CTNNA2: variants seen among roughly 807,000 people sequenced by gnomAD.
CTNNA2 encodes catenin alpha 2.
In CTNNA2, 42 loss-of-function variants were observed where a neutral mutation model predicts 101.0. The ratio of observed to expected loss-of-function variants is 0.42; its 90% CI spans 0.32 to 0.54. The LOEUF (loss-of-function observed/expected upper bound fraction) is 0.54, where lower values mean the gene tolerates loss of function less well. Ranked by LOEUF, CTNNA2 falls within the 20% of genes least tolerant of loss-of-function variation. The pLI is 0.14. For synonymous variants in CTNNA2, 450 were observed against 456.4 expected (o/e 0.99, Z 0.18); for missense variants, 871 against 1,223.1 (o/e 0.71, Z 4.29).
intron 9 of CTNNA2, among the ~76,000 whole-genome samples, chr2:80,472,719 G>A (rs964464772): frequency 3.3e-5 from 5 of 152,094 alleles, no homozygotes; most frequent in Admixed American, 2.0e-4. Flanking sequence ...TTGATCTAGG[G>A]TGGGGAGAGA....
At chr2:80,193,089 C>G (rs1706621651) in intron 7 of CTNNA2, among the ~76,000 whole-genome samples, 1 of 152,110 alleles carries the variant, frequency 6.6e-6, no homozygotes, top group African/African-American at 2.4e-5. Context: ...TGTTTATATG[C>G]TTTCATATTC....
At chr2:80,428,858 A>G (rs1421666052) in intron 9 of CTNNA2, among the ~76,000 whole-genome samples, 2 of 152,106 alleles carry the variant, frequency 1.3e-5, no homozygotes, top group Non-Finnish European at 2.9e-5. Context: ...ACAAAAAACT[A>G]CATTGATGGA....
At chr2:80,172,112 A>G (rs1304851856) in intron 7 of CTNNA2, among the ~76,000 whole-genome samples, 4 of 152,164 alleles carry the variant, frequency 2.6e-5, no homozygotes, top group Non-Finnish European at 4.4e-5. Flanking sequence ...TTCCATGTTT[A>G]TGGCTACTCG....
intron 7 of CTNNA2, among the ~76,000 whole-genome samples, chr2:80,255,278 G>A (rs930260794): frequency 1.3e-5 from 2 of 152,118 alleles, no homozygotes; most frequent in Non-Finnish European, 1.5e-5. Context: ...AGGGGGTTAA[G>A]AACAGAACGT....
intron 9 of CTNNA2, among the ~76,000 whole-genome samples, chr2:80,444,179 G>T (rs549444357): frequency 6.6e-6 from 1 of 152,126 alleles, no homozygotes; most frequent in South Asian, 2.1e-4. Context: ...TGGATTCCAC[G>T]TCATCCAATC....
Position 80,320,201 on chromosome 2 carries a change from A to G in CTNNA2, c.1057-73010A>G, listed in dbSNP as rs77710107. Among the ~76,000 whole-genome samples, 316 of 152,366 alleles carry G rather than the reference A, an allele frequency of 2.1e-3. 2 individuals are homozygous for G. Among genetic ancestry groups the G allele is most frequent in the African/African-American group, 7.3e-3 (302 of 41,590 alleles). On this transcript the variant is annotated intron_variant, in intron 7 of 18. Coordinates refer to ENST00000402739, the MANE Select transcript of CTNNA2 (RefSeq NM_001282597.3). ...TAAGAAAATAAACATAAAGTGATAC[A>G]TACACAGTTGGTTTCACAGGTACAT...
At chr2:80,518,541 G>A (rs1689278742) in intron 9 of CTNNA2, among the ~76,000 whole-genome samples, 1 of 152,120 alleles carries the variant, frequency 6.6e-6, no homozygotes, top group South Asian at 2.1e-4. Context: ...CCTGGAATTT[G>A]GTTGGCTCTG....
At chr2:80,105,521 C>T (rs909315905) in intron 7 of CTNNA2, among the ~76,000 whole-genome samples, 7 of 152,010 alleles carry the variant, frequency 4.6e-5, no homozygotes, top group Admixed American at 1.3e-4. Context: ...ACCAGGAGTT[C>T]GAGACCAGCC....
intron 4 of CTNNA2, among the ~76,000 whole-genome samples, chr2:79,467,558 T>G (rs574306554): frequency 9.2e-5 from 14 of 152,096 alleles, no homozygotes; most frequent in South Asian, 4.1e-4. Context: ...GAAGAGCAAC[T>G]CCAAGACACA....
intron 3 of CTNNA2, among the ~76,000 whole-genome samples, chr2:79,372,810 G>C (rs1461841860): frequency 6.6e-6 from 1 of 152,192 alleles, no homozygotes; most frequent in Non-Finnish European, 1.5e-5. Context: ...TAAGGCAATT[G>C]AACGTTAATT....
At chr2:79,919,106 C>T (rs1191316467) in intron 7 of CTNNA2, among the ~76,000 whole-genome samples, 2 of 152,090 alleles carry the variant, frequency 1.3e-5, no homozygotes, top group Non-Finnish European at 2.9e-5. Flanking sequence ...TGGTAGCCTT[C>T]TATGCCACAA....
At chr2:80,277,530 G>A (rs532137763) in intron 7 of CTNNA2, among the ~76,000 whole-genome samples, 13 of 133,234 alleles carry the variant, frequency 9.8e-5, no homozygotes, top group Non-Finnish European at 1.7e-4. Context: ...AGTGGGGAAG[G>A]AGAGACTCAG....
chr2:79,895,335 G>T (rs1684629702), intron 6 of CTNNA2, among the ~76,000 whole-genome samples: 1 of 152,090 alleles, frequency 6.6e-6, no homozygotes, highest in Non-Finnish European at 1.5e-5. Context: ...TATGCTCAAG[G>T]TGTATGCATT....
chr2:79,649,202 A>G (rs1681040083), intron 1 of CTNNA2: 1 of 154,592 alleles, frequency 6.5e-6, no homozygotes, highest in African/African-American at 2.4e-5. Flanking sequence ...CATGTTTTAA[A>G]AGTTACATAA....
chr2:80,635,898 C>A (rs1438958895), intron 18 of CTNNA2, among the ~76,000 whole-genome samples: 3 of 150,710 alleles, frequency 2.0e-5, no homozygotes, highest in South Asian at 2.1e-4. Context: ...ACACACTAAT[C>A]ATCCTTGTTT....
chr2:79,592,563 T>G (rs911154817), intron 1 of CTNNA2, among the ~76,000 whole-genome samples: 2 of 152,182 alleles, frequency 1.3e-5, no homozygotes, highest in Admixed American at 6.5e-5. Flanking sequence ...AATTTGTTCT[T>G]ATCTTCTCCG....
At chr2:80,501,449 G>T (rs909906901) in intron 9 of CTNNA2, among the ~76,000 whole-genome samples, 1 of 152,186 alleles carries the variant, frequency 6.6e-6, no homozygotes, top group Non-Finnish European at 1.5e-5. Context: ...CATGGTTAGA[G>T]AACTGCTTTA....
chr2:80,313,460 T>C (rs1451738662), intron 7 of CTNNA2: 1 of 1,518,224 alleles, frequency 6.6e-7, no homozygotes, highest in Admixed American at 2.1e-5. Context: ...CAAACCAATA[T>C]TATTCATGCT....
intron 7 of CTNNA2, among the ~76,000 whole-genome samples, chr2:80,182,175 C>A (rs748997273): frequency 1.3e-5 from 2 of 152,168 alleles, no homozygotes; most frequent in Non-Finnish European, 2.9e-5. Context: ...GCAGACAGTG[C>A]AGCCCTTAGT....
Sources: gnomAD v4.1 joint callset for allele counts (sites outside exome capture counted in the v4.1 genomes callset) on GRCh38, gnomAD v4.1.1 for gene constraint, MANE v1.5 for transcripts, NCBI Gene and HGNC (gene_info 2026-07-23, HGNC 2026-07-21) for gene names.